CYP2C19: variants seen among roughly 807,000 people sequenced by gnomAD.
CYP2C19 encodes cytochrome P450 family 2 subfamily C member 19.
CYP2C19 carries 59 observed loss-of-function variants against 40.9 expected under a neutral mutation model. That is an observed-to-expected ratio of 1.44 (90% CI 1.17 to 1.79). The LOEUF (loss-of-function observed/expected upper bound fraction) is 1.79. CYP2C19 is among the 40% of genes most tolerant of loss of function. The pLI is 0.00. For synonymous variants in CYP2C19, 253 were observed against 208.7 expected, an observed-to-expected ratio of 1.21 and a Z score of -1.83; for missense variants, 754 against 596.9, an observed-to-expected ratio of 1.26 and a Z score of -2.74.
intron 6 of CYP2C19, among the ~76,000 whole-genome samples, chr10:94,833,520 T>G (rs1464890079): frequency 6.6e-6 from 1 of 152,150 alleles, no homozygotes; most frequent in East Asian, 1.9e-4. Flanking sequence ...TACATATGTA[T>G]ACATGTGCCA....
intron 5 of CYP2C19, among the ~76,000 whole-genome samples, chr10:94,820,185 C>T (rs1849090467): frequency 6.6e-6 from 1 of 151,954 alleles, no homozygotes. Flanking sequence ...TGACAAAATT[C>T]AACAACCCTT....
chr10:94,804,050 A>T (rs1848801069), intron 5 of CYP2C19, among the ~76,000 whole-genome samples: 1 of 151,984 alleles, frequency 6.6e-6, no homozygotes, highest in Non-Finnish European at 1.5e-5. Flanking sequence ...CTGGACCATT[A>T]TCTATACCAA....
chr10:94,824,806 C>A (rs1322835003), intron 6 of CYP2C19, among the ~76,000 whole-genome samples: 3 of 116,806 alleles, frequency 2.6e-5, no homozygotes, highest in Admixed American at 9.9e-5. Flanking sequence ...TCCCTCCCCC[C>A]TCCCCCCACC....
intron 6 of CYP2C19, among the ~76,000 whole-genome samples, chr10:94,824,460 G>A (rs1428191434): frequency 6.6e-6 from 1 of 152,114 alleles, no homozygotes; most frequent in African/African-American, 2.4e-5. Flanking sequence ...GTGTGAGAAT[G>A]AAGAGAATAC....
At position 94,775,108 on chromosome 10, in the gene CYP2C19, C is replaced by T; in HGVS notation, c.219C>T (p.Arg73=). The part of the protein sequence containing the change: ...PVFTLYFGLE[R]MVVLHGYEVV... ...TCACTCTGTATTTTGGCCTGGAACG[C>T]ATGGTGGTGCTGCATGGATATGAAG... is the stretch of plus-strand genomic sequence containing the variant. Residue 73 remains arginine (R), a synonymous_variant, in exon 2 of 9, where the codon CGC becomes CGT. Transcript: ENST00000371321. 1.2e-6 allele frequency: 2 copies of T among 1,614,094 alleles called. No individual in the cohort carries two copies. Among genetic ancestry groups the T allele is most frequent in the Non-Finnish European group, 1.7e-6 (2 of 1,180,022 alleles).
chr10:94,764,570 T>C (rs1025843309), intron 1 of CYP2C19, among the ~76,000 whole-genome samples: 4 of 152,066 alleles, frequency 2.6e-5, no homozygotes, highest in Admixed American at 2.6e-4. Flanking sequence ...GGGAATTCGG[T>C]GATGACTGCT....
chr10:94,798,821 T>TTTC (rs1281959840), intron 5 of CYP2C19, among the ~76,000 whole-genome samples: 2 of 143,868 alleles, frequency 1.4e-5, no homozygotes, highest in Non-Finnish European at 3.0e-5. Context: ...CTGATTTTTT[T>TTTC]TTTTTTTTTT....
rs150947796 is a variant in CYP2C19, at chr10:94,807,131, C to T, written c.820-13365C>T. Among the ~76,000 whole-genome samples, 474 of 152,230 alleles carry T rather than the reference C, an allele frequency of 3.1e-3. 3 individuals are homozygous for T. The highest frequency in any genetic ancestry group is 0.011 in the African/African-American group (451 of 41,576). ...CTTAGCTACCATATAAGAATAAGAA[C>T]ATGCGTTATTTATCTTTCCATGCCA... On this transcript the variant is annotated intron_variant, in intron 5 of 8. Transcript: ENST00000371321.
Position 94,852,301 on chromosome 10 carries a change from G to T in CYP2C19, c.1292-432G>T, listed in dbSNP as rs139383125. ...ATACTTAGCGGGAAAAAAATCTTTG[G>T]CTGCATACTGAGCCAGAAATACAAA... On this transcript the variant is annotated intron_variant, in intron 8 of 8. Coordinates refer to ENST00000371321, the MANE Select transcript of CYP2C19 (RefSeq NM_000769.4). Among the ~76,000 whole-genome samples, 5 of 152,264 alleles carry T rather than the reference G, an allele frequency of 3.3e-5. No individual in the cohort carries two copies. The East Asian group carries it at 5.8e-4, about 18-fold the overall frequency.
At chr10:94,764,839 G>T (rs1589815767) in intron 1 of CYP2C19, among the ~76,000 whole-genome samples, 2 of 152,132 alleles carry the variant, frequency 1.3e-5, no homozygotes, top group East Asian at 3.8e-4. Context: ...TGGCTGCCAT[G>T]GGACCTAGAA....
intron 5 of CYP2C19, among the ~76,000 whole-genome samples, chr10:94,815,384 G>T (rs1413763733): frequency 6.6e-6 from 1 of 152,198 alleles, no homozygotes; most frequent in Admixed American, 6.5e-5. Flanking sequence ...CTAGGGACTT[G>T]TTAGAAAGTA....
chr10:94,778,189 C>T (rs1268396602), intron 3 of CYP2C19, among the ~76,000 whole-genome samples: 1 of 152,136 alleles, frequency 6.6e-6, no homozygotes, highest in African/African-American at 2.4e-5. Context: ...TTTATTGTTC[C>T]CCTTTCAGGG....
intron 4 of CYP2C19, 150 bp downstream of exon 4, chr10:94,780,809 G>T: frequency 1.2e-6 from 1 of 856,216 alleles, no homozygotes; most frequent in African/African-American, 1.7e-5. Context: ...GGAAAAGATG[G>T]CAAAGTTCTT....
chr10:94,853,118 T>C lies in CYP2C19; in HGVS notation c.*204T>C. The C allele has an allele frequency of 1.7e-6, 1 of 586,772 alleles. No individual in the cohort carries two copies. Among genetic ancestry groups the C allele is most frequent in the Non-Finnish European group, 3.0e-6 (1 of 335,620 alleles). 36.3% of individuals were successfully genotyped at this position (586,772 alleles called of 1,614,324 possible). A position where few individuals can be genotyped will look rare whatever the true frequency, so the allele number is the denominator to read the frequency against. On this transcript the variant is annotated 3_prime_UTR_variant, in exon 9 of 9. Transcript: ENST00000371321. ...TTCCCCATACTCTATAATAGTTACA[T>C]TGAGTGCCACATAATGCTGATACTT...
intron 5 of CYP2C19, among the ~76,000 whole-genome samples, chr10:94,795,634 T>C (rs1848673617): frequency 6.6e-6 from 1 of 152,098 alleles, no homozygotes; most frequent in Non-Finnish European, 1.5e-5. Flanking sequence ...TGTAAAAGTG[T>C]TCCTATTTCT....
intron 5 of CYP2C19, among the ~76,000 whole-genome samples, chr10:94,801,260 T>C (rs1230616391): frequency 6.6e-6 from 1 of 152,212 alleles, no homozygotes; most frequent in Non-Finnish European, 1.5e-5. Context: ...ACACAATGCT[T>C]TAAATGTGTC....
intron 5 of CYP2C19, among the ~76,000 whole-genome samples, chr10:94,801,757 T>A (rs1163610362): frequency 2.0e-5 from 3 of 152,184 alleles, no homozygotes; most frequent in African/African-American, 7.2e-5. Context: ...GAACTTGGTT[T>A]ATGAATCTGG....
intron 5 of CYP2C19, among the ~76,000 whole-genome samples, chr10:94,805,608 G>A (rs1848823825): frequency 6.6e-6 from 1 of 152,112 alleles, no homozygotes; most frequent in Admixed American, 6.6e-5. Context: ...TCTTGGCCGG[G>A]CATTGTAGAT....
intron 6 of CYP2C19, among the ~76,000 whole-genome samples, chr10:94,821,922 T>C (rs954739078): frequency 2.0e-5 from 3 of 152,108 alleles, no homozygotes; most frequent in African/African-American, 7.2e-5. Flanking sequence ...CAGATGGTTC[T>C]CCAACCCACA....
Sources: gnomAD v4.1 joint callset for allele counts (sites outside exome capture counted in the v4.1 genomes callset) on GRCh38, gnomAD v4.1.1 for gene constraint, MANE v1.5 for transcripts, NCBI Gene and HGNC (gene_info 2026-07-23, HGNC 2026-07-21) for gene names.